SCN8A: variants seen among roughly 807,000 people sequenced by gnomAD.
SCN8A encodes the protein sodium voltage-gated channel alpha subunit 8.
SCN8A carries 30 observed loss-of-function variants against 184.1 expected under a neutral mutation model. That is an observed-to-expected ratio of 0.16 (90% confidence interval 0.12 to 0.22). The LOEUF (loss-of-function observed/expected upper bound fraction) is 0.22. Ranked by LOEUF, SCN8A falls within the 10% of genes least tolerant of loss-of-function variation. The pLI is 1.00. For missense variants in SCN8A, 1,057 were observed against 2,498.9 expected (o/e 0.42, Z 12.30); for synonymous variants, 852 against 907.0 (o/e 0.94, Z 1.09).
At chr12:51,755,814 C>T (rs1040169386) in intron 14 of SCN8A, among the ~76,000 whole-genome samples, 2 of 152,088 alleles carry the variant, frequency 1.3e-5, no homozygotes, top group African/African-American at 4.8e-5. Context: ...TAGTTTTCTC[C>T]CTTTCTGTAT....
chr12:51,653,207 C>T (rs1227547154), intron 1 of SCN8A, among the ~76,000 whole-genome samples: 1 of 152,126 alleles, frequency 6.6e-6, no homozygotes, highest in Non-Finnish European at 1.5e-5. Flanking sequence ...GTAGTCCCAG[C>T]TACTTGGGAG....
At chr12:51,709,290 G>A (rs1586097) in intron 11 of SCN8A, among the ~76,000 whole-genome samples, 9,102 of 152,278 alleles carry the variant, frequency 0.06, 673 homozygotes, top group East Asian at 0.39. Context: ...CCTGAGCTGA[G>A]AGGTGGTGAT....
chr12:51,628,126 G>C (rs573002869), intron 1 of SCN8A, among the ~76,000 whole-genome samples: 1 of 152,322 alleles, frequency 6.6e-6, no homozygotes, highest in South Asian at 2.1e-4. Flanking sequence ...TGTAGGTTTA[G>C]TTTAGGGAAC....
At chr12:51,683,091 A>G (rs1003306009) in intron 2 of SCN8A, among the ~76,000 whole-genome samples, 1 of 151,860 alleles carries the variant, frequency 6.6e-6, no homozygotes, top group Admixed American at 6.6e-5. Context: ...GGGGAAAAAA[A>G]TCTCTCCCTC....
chr12:51,707,629 A>G (rs564588748), intron 11 of SCN8A, among the ~76,000 whole-genome samples: 32 of 152,228 alleles, frequency 2.1e-4, no homozygotes, highest in African/African-American at 6.7e-4. Flanking sequence ...CTTTGGCAAC[A>G]CACCTCACAA....
At chr12:51,733,965 TC>T (rs1341478483) in intron 12 of SCN8A, among the ~76,000 whole-genome samples, 1 of 152,206 alleles carries the variant, frequency 6.6e-6, no homozygotes, top group Non-Finnish European at 1.5e-5. Flanking sequence ...TCCCTTTTTT[TC>T]TTCATTAGTC....
Position 51,702,857 on chromosome 12 carries a change from C to T in SCN8A, c.1077C>T (p.Ala359=). 8 of 1,605,882 alleles carry T rather than the reference C, an allele frequency of 5.0e-6. No homozygotes were observed. Among genetic ancestry groups the T allele is most frequent in the East Asian group, 2.2e-5 (1 of 44,694 alleles). ...GYTSFDTFSW[A]FLALFRLMTQ... ...CAAGTTTTGACACTTTTAGCTGGGC[C>T]TTCTTGGCATTATTTCGCCTTATGA... is the stretch of plus-strand genomic sequence containing the variant. Residue 359 remains alanine (A), a synonymous_variant, in exon 9 of 27, where the codon GCC becomes GCT. Transcript: ENST00000627620.
intron 1 of SCN8A, among the ~76,000 whole-genome samples, chr12:51,646,477 A>G (rs927155839): frequency 2.6e-5 from 4 of 152,378 alleles, no homozygotes; most frequent in Non-Finnish European, 5.9e-5. Context: ...CAGTACAACA[A>G]TGTGAATGTA....
chr12:51,745,929 GA>G lies in SCN8A; in HGVS notation c.2028del (p.Gly677AlafsTer6). On this transcript the variant is annotated frameshift_variant, in exon 13 of 27. Coordinates refer to ENST00000627620, the MANE Select transcript of SCN8A (RefSeq NM_001330260.2). LOFTEE classifies it high-confidence loss of function. The part of the protein sequence containing the change: ...EATTEVEIKK[K>X]GPGSLLVSMD... ...CTACAACTGAGGTGGAAATTAAGAA[GA>G]AAGGCCCTGGATCTCTTTTAGTTTC... is the stretch of plus-strand genomic sequence containing the variant. 1 of 1,590,996 alleles carries G rather than the reference GA, an allele frequency of 6.3e-7. No individual in the cohort carries two copies. The highest frequency in any genetic ancestry group is 1.8e-5 in the Admixed American group (1 of 55,026).
At chr12:51,783,588 T>C (rs923615870) in intron 21 of SCN8A, among the ~76,000 whole-genome samples, 1 of 152,256 alleles carries the variant, frequency 6.6e-6, no homozygotes, top group South Asian at 2.1e-4. Context: ...ATACTTAATG[T>C]AGTTCTTTGC....
At chr12:51,652,775 G>A (rs936109828) in intron 1 of SCN8A, among the ~76,000 whole-genome samples, 11 of 152,084 alleles carry the variant, frequency 7.2e-5, no homozygotes, top group Admixed American at 7.2e-4. Flanking sequence ...TCCAAACTTG[G>A]TTAGATGTCT....
rs773069251 is a variant in SCN8A at position 51,774,228 on chromosome 12, C to T, written c.3685C>T (p.Arg1229Cys). Reference sequence around the variant, plus strand: ...CTACATTGAGCAGAGAAAGACCATCCGCACCATCCTGGAATATGCTGACAA... The same window carrying T: ...CTACATTGAGCAGAGAAAGACCATCTGCACCATCCTGGAATATGCTGACAA... Reference protein sequence around the residue: ...DIYIEQRKTIRTILEYADKVF... With the variant: ...DIYIEQRKTICTILEYADKVF... The change falls in exon 20 of 27, where the codon CGC becomes TGC. Residue 1229 changes from arginine to cysteine, a missense_variant. By Grantham distance (180) the Arg-to-Cys change is radical. Coordinates refer to ENST00000627620, the MANE Select transcript of SCN8A (RefSeq NM_001330260.2). 4.3e-6 allele frequency: 7 copies of T among 1,613,542 alleles called. No homozygotes were observed. The highest frequency in any genetic ancestry group is 5.9e-6 in the Non-Finnish European group (7 of 1,179,702).
At chr12:51,802,321 T>G (rs1001946037) in intron 26 of SCN8A, among the ~76,000 whole-genome samples, 1 of 152,158 alleles carries the variant, frequency 6.6e-6, no homozygotes. Flanking sequence ...TTGCCACCAC[T>G]GGGGGTGAGG....
At chr12:51,633,136 G>C (rs1940235880) in intron 1 of SCN8A, among the ~76,000 whole-genome samples, 2 of 152,226 alleles carry the variant, frequency 1.3e-5, no homozygotes, top group African/African-American at 4.8e-5. Flanking sequence ...AGCTGTGGAA[G>C]AGGGTGCTGA....
intron 3 of SCN8A, among the ~76,000 whole-genome samples, chr12:51,684,825 T>C (rs1941393806): frequency 6.6e-6 from 1 of 152,198 alleles, no homozygotes; most frequent in Non-Finnish European, 1.5e-5. Context: ...GAATTTTTTC[T>C]GGTATTTTTA....
intron 22 of SCN8A, 124 bp from the exon 23 acceptor site, chr12:51,788,571 G>A (rs1048042326): frequency 7.6e-6 from 4 of 528,436 alleles, no homozygotes; most frequent in Non-Finnish European, 1.3e-5. Flanking sequence ...GTGTCCAAGG[G>A]AGGCTGCACC....
chr12:51,673,980 AGAGAT>A (rs1026618308), intron 2 of SCN8A, among the ~76,000 whole-genome samples: 1 of 152,194 alleles, frequency 6.6e-6, no homozygotes, highest in African/African-American at 2.4e-5. Context: ...CTGTCAGAGA[AGAGAT>A]GAGAGAGTAG....
intron 1 of SCN8A, among the ~76,000 whole-genome samples, chr12:51,613,801 T>G (rs1939774226): frequency 6.6e-6 from 1 of 152,184 alleles, no homozygotes; most frequent in Non-Finnish European, 1.5e-5. Flanking sequence ...CCCCTGAGAC[T>G]TTCTCTTTGA....
At chr12:51,591,560 T>C (rs781581717) in intron 1 of SCN8A, among the ~76,000 whole-genome samples, 34 of 152,302 alleles carry the variant, frequency 2.2e-4, no homozygotes, top group Admixed American at 6.5e-4. Context: ...TGCTTCCTTC[T>C]ACTGTGTGTA....
Sources: gnomAD v4.1 joint callset for allele counts (sites outside exome capture counted in the v4.1 genomes callset) on GRCh38, gnomAD v4.1.1 for gene constraint, MANE v1.5 for transcripts, NCBI Gene and HGNC (gene_info 2026-07-23, HGNC 2026-07-21) for gene names.